Variants in SCN11A observed in about 807,000 individuals in gnomAD.
SCN11A encodes the protein sodium channel protein type 11 subunit alpha.
A neutral mutation model predicts 162.2 loss-of-function variants in SCN11A; 122 were observed. The ratio of observed to expected loss-of-function variants is 0.75; its 90% CI spans 0.65 to 0.87. The LOEUF (loss-of-function observed/expected upper bound fraction) is 0.87, where lower values mean the gene tolerates loss of function less well. Ranked by LOEUF, SCN11A falls within the 40% of genes least tolerant of loss-of-function variation. The pLI, the probability that SCN11A is intolerant of heterozygous loss-of-function variation, is 0.00. For synonymous variants in SCN11A, 758 were observed against 751.5 expected, an observed-to-expected ratio of 1.01 and a Z score of -0.14; for missense variants, 2,015 against 2,181.6, an observed-to-expected ratio of 0.92 and a Z score of 1.52.
chr3:38,853,857 C>T (rs921232365), intron 28 of SCN11A, among the ~76,000 whole-genome samples: 1 of 152,182 alleles, frequency 6.6e-6, no homozygotes, highest in African/African-American at 2.4e-5. Flanking sequence ...GCCTATTGTA[C>T]TACTTTATAA....
intron 15 of SCN11A, among the ~76,000 whole-genome samples, chr3:38,904,902 T>C (rs1197596901): frequency 1.3e-5 from 2 of 152,162 alleles, no homozygotes; most frequent in East Asian, 3.9e-4. Flanking sequence ...CCAGGCCTGG[T>C]TTGAGGCCCT....
At chr3:38,956,041 T>C (rs569894222) in intron 3 of SCN11A, among the ~76,000 whole-genome samples, 1 of 151,976 alleles carries the variant, frequency 6.6e-6, no homozygotes, top group Non-Finnish European at 1.5e-5. Context: ...GGTCAGGAGT[T>C]TGAGCCCACC....
At chr3:38,963,389 TGG>T (rs1491351270) in intron 2 of SCN11A, among the ~76,000 whole-genome samples, 22 of 50,412 alleles carry the variant, frequency 4.4e-4, no homozygotes, top group African/African-American at 9.6e-4. Flanking sequence ...ATATATATGA[TGG>T]AGATATATAT....
At chr3:38,947,782 G>A (rs1307549810) in intron 5 of SCN11A, among the ~76,000 whole-genome samples, 1 of 152,154 alleles carries the variant, frequency 6.6e-6, no homozygotes, top group Non-Finnish European at 1.5e-5. Flanking sequence ...CTTTTTCCAT[G>A]TAACTGTAAT....
intron 2 of SCN11A, among the ~76,000 whole-genome samples, chr3:39,025,496 T>C (rs1247801783): frequency 6.6e-6 from 1 of 152,224 alleles, no homozygotes; most frequent in Non-Finnish European, 1.5e-5. Flanking sequence ...TGAATTTTCC[T>C]GGAAAGGGAT....
At chr3:38,902,671 C>G (rs2065721367) in intron 16 of SCN11A, among the ~76,000 whole-genome samples, 1 of 152,100 alleles carries the variant, frequency 6.6e-6, no homozygotes, top group Non-Finnish European at 1.5e-5. Context: ...GCGCCTGCCA[C>G]CATGCCCGGC....
At chr3:38,863,843 T>C (rs1037524906) in intron 27 of SCN11A, among the ~76,000 whole-genome samples, 2 of 151,990 alleles carry the variant, frequency 1.3e-5, no homozygotes, top group Admixed American at 6.6e-5. Context: ...GGGGGCAAAA[T>C]ATTTAGAAAG....
intron 7 of SCN11A, among the ~76,000 whole-genome samples, chr3:38,941,308 C>T (rs1324276696): frequency 1.3e-5 from 2 of 152,180 alleles, no homozygotes; most frequent in Admixed American, 6.5e-5. Context: ...TACAATGAAA[C>T]TCTACTTCAT....
At chr3:38,976,416 C>A (rs2066850311) in intron 2 of SCN11A, among the ~76,000 whole-genome samples, 1 of 152,096 alleles carries the variant, frequency 6.6e-6, no homozygotes, top group Admixed American at 6.6e-5. Context: ...GAAATACAAA[C>A]AATTTCAAAT....
chr3:38,913,277 T>A (rs755902313), intron 11 of SCN11A, among the ~76,000 whole-genome samples: 1 of 152,108 alleles, frequency 6.6e-6, no homozygotes, highest in Non-Finnish European at 1.5e-5. Context: ...TGCATGTAAG[T>A]CTTCTTTAAA....
At chr3:38,989,583 A>G (rs1418712414) in intron 2 of SCN11A, among the ~76,000 whole-genome samples, 1 of 152,220 alleles carries the variant, frequency 6.6e-6, no homozygotes, top group African/African-American at 2.4e-5. Context: ...GTGCTTAGAA[A>G]GAGCAGGGAT....
At chr3:38,962,222 A>G (rs941102269) in intron 2 of SCN11A, among the ~76,000 whole-genome samples, 5 of 152,114 alleles carry the variant, frequency 3.3e-5, no homozygotes, top group African/African-American at 1.2e-4. Context: ...TTCCATAGGT[A>G]TATGTGCTTA....
chr3:38,939,228 T>C (rs917470309), intron 7 of SCN11A, among the ~76,000 whole-genome samples: 1 of 151,940 alleles, frequency 6.6e-6, no homozygotes, highest in African/African-American at 2.4e-5. Flanking sequence ...ATTTAAGATA[T>C]AGTTTTAGAA....
chr3:38,847,691 G>A lies in SCN11A; in HGVS notation c.4379C>T (p.Thr1460Met), dbSNP rs762273242. 5.0e-6 allele frequency: 8 copies of A among 1,613,008 alleles called. No homozygotes were observed. The highest frequency in any genetic ancestry group is 6.8e-6 in the Non-Finnish European group (8 of 1,179,230). ...ENQEHIPFPPTLFRIVRLARI... is the reference protein window; with the variant it reads ...ENQEHIPFPPMLFRIVRLARI... ...AGCCAAGCGGACAATTCTGAAGAGC[G>A]TCGGAGGGAAAGGAATGTGCTCCTG... Residue 1460 changes from threonine to methionine, a missense_variant, in exon 30 of 30, where the codon ACG (threonine) becomes ATG (methionine). By Grantham distance (81) the Thr-to-Met change is moderately conservative (BLOSUM62 -1). Transcript: ENST00000302328.
Position 38,867,478 on chromosome 3 carries a change from T to G in SCN11A, c.3814-20A>C. The G allele has an allele frequency of 3.2e-6, 5 of 1,578,160 alleles. No individual in the cohort carries two copies. The highest frequency in any genetic ancestry group is 1.2e-5 in the South Asian group (1 of 86,404). On this transcript the variant is annotated intron_variant, in intron 26 of 29. Transcript: ENST00000302328. Reference sequence around the variant, plus strand: ...TTCTTTCTGTTAGAAATTTTTTTAATAAGAGAAAAAAACAATTACTGGAGA... The same window carrying G: ...TTCTTTCTGTTAGAAATTTTTTTAAGAAGAGAAAAAAACAATTACTGGAGA...
At chr3:38,937,568 G>T (rs1393483706) in intron 7 of SCN11A, among the ~76,000 whole-genome samples, 2 of 150,674 alleles carry the variant, frequency 1.3e-5, no homozygotes, top group Admixed American at 6.6e-5. Context: ...CGAAGGACAT[G>T]AACAGACACT....
Position 38,894,571 on chromosome 3 carries a change from T to C in SCN11A, c.2797A>G (p.Asn933Asp). 1 of 1,613,538 alleles carries C rather than the reference T, an allele frequency of 6.2e-7. No homozygotes were observed. Among genetic ancestry groups the C allele is most frequent in the African/African-American group, 1.3e-5 (1 of 75,054 alleles). Reference sequence around the variant, plus strand: ...TCAGGTTGTGTGATGCGCTGTGCATTATCTTCACCAGAAAATTCAACGTCA... The same window carrying C: ...TCAGGTTGTGTGATGCGCTGTGCATCATCTTCACCAGAAAATTCAACGTCA... ...EDDVEFSGED[N>D]AQRITQPEPE... is the part of the protein sequence containing the mutation. Residue 933 changes from asparagine to aspartate, a missense_variant, in exon 19 of 30, where the codon AAT becomes GAT. By Grantham distance (23) the Asn-to-Asp change is conservative. Coordinates refer to ENST00000302328, the MANE Select transcript of SCN11A (RefSeq NM_001349253.2).
intron 2 of SCN11A, among the ~76,000 whole-genome samples, chr3:39,029,732 T>A (rs1377601052): frequency 6.6e-6 from 1 of 152,220 alleles, no homozygotes; most frequent in East Asian, 1.9e-4. Flanking sequence ...CATTGGACAG[T>A]CACCATGGCA....
chr3:39,048,892 T>C (rs1467939168), intron 1 of SCN11A, among the ~76,000 whole-genome samples: 1 of 152,222 alleles, frequency 6.6e-6, no homozygotes, highest in Non-Finnish European at 1.5e-5. Context: ...AGCCACAGCT[T>C]TGGCTAAGGA....
Sources: allele counts gnomAD v4.1 joint callset (sites outside exome capture counted in the v4.1 genomes callset), GRCh38; gene constraint gnomAD v4.1.1; transcripts MANE v1.5; gene names NCBI Gene and HGNC (gene_info 2026-07-23, HGNC 2026-07-21).